ANKDD1A: variants seen among roughly 807,000 people sequenced by gnomAD.
ANKDD1A encodes ankyrin repeat and death domain-containing protein 1A.
A neutral mutation model predicts 63.5 loss-of-function variants in ANKDD1A; 59 were observed. The observed-to-expected ratio is 0.93, with a 90% CI of 0.75 to 1.15. The LOEUF is 1.15. Ranked by LOEUF, ANKDD1A falls within the 50% of genes most tolerant of loss-of-function variation. The probability of loss-of-function intolerance (pLI) is 0.00; values close to 1 mark genes in which losing one functional copy is unlikely to be tolerated. For synonymous variants in ANKDD1A, 266 were observed against 263.9 expected (o/e 1.01, Z -0.08); for missense variants, 632 against 656.4 (o/e 0.96, Z 0.41).
intron 9 of ANKDD1A, among the ~76,000 whole-genome samples, chr15:64,935,280 C>T (rs1405696326): frequency 6.6e-6 from 1 of 150,728 alleles, no homozygotes; most frequent in African/African-American, 2.4e-5. Flanking sequence ...CCTGTAATCC[C>T]AGCACTTTGG....
intron 13 of ANKDD1A, among the ~76,000 whole-genome samples, chr15:64,947,826 C>G (rs2085236306): frequency 1.3e-5 from 2 of 152,210 alleles, no homozygotes; most frequent in African/African-American, 4.8e-5. Flanking sequence ...TCAGCCCAAA[C>G]TGATACCCAC....
intron 14 of ANKDD1A, chr15:64,951,188 C>G: frequency 9.5e-7 from 1 of 1,048,334 alleles, no homozygotes; most frequent in Non-Finnish European, 1.2e-6. Flanking sequence ...GTACACTGAT[C>G]TTTTTCATGA....
At chr15:64,953,662 TTTC>T (rs1413451763) in intron 14 of ANKDD1A, among the ~76,000 whole-genome samples, 2 of 4,084 alleles carry the variant, frequency 4.9e-4, no homozygotes, top group African/African-American at 5.7e-4. Flanking sequence ...CCTTCTTTTC[TTTC>T]TTCTCCTTCT....
Position 64,943,592 on chromosome 15 carries a change from C to T in ANKDD1A, c.1065+10C>T, listed in dbSNP as rs774466302. On this transcript the variant is annotated intron_variant, in intron 11 of 14. Coordinates refer to ENST00000319580, the MANE Select transcript of ANKDD1A (RefSeq NM_182703.6). ...AAACCTGAGAGATAAGGTACCTCTG[C>T]TTACAACCCACCTCGCTTCAGGCTT... 1 of 1,613,356 alleles carries T rather than the reference C, an allele frequency of 6.2e-7. No individual in the cohort carries two copies. Among genetic ancestry groups the T allele is most frequent in the Non-Finnish European group, 8.5e-7 (1 of 1,179,264 alleles).
intron 3 of ANKDD1A, among the ~76,000 whole-genome samples, chr15:64,917,766 G>A (rs1439733390): frequency 6.6e-6 from 1 of 152,188 alleles, no homozygotes; most frequent in Non-Finnish European, 1.5e-5. Context: ...GATACCATGC[G>A]AACAGAGAGA....
chr15:64,952,853 TCTC>T (rs577420074), intron 14 of ANKDD1A, among the ~76,000 whole-genome samples: 2 of 19,472 alleles, frequency 1.0e-4, no homozygotes, highest in Non-Finnish European at 7.2e-4. Flanking sequence ...CCTTGTCTCT[TCTC>T]CTTCTTCTTT....
chr15:64,953,211 T>TTCTTTCTTGTTCC (rs1369174814), intron 14 of ANKDD1A, among the ~76,000 whole-genome samples: 1 of 34,710 alleles, frequency 2.9e-5, no homozygotes, highest in African/African-American at 7.0e-5. Flanking sequence ...TTTCTTCTCC[T>TTCTTTCTTGTTCC]TCTTTCTTGT....
chr15:64,953,457 CTCCTTCTT>C (rs1469955239), intron 14 of ANKDD1A, among the ~76,000 whole-genome samples: 9 of 17,758 alleles, frequency 5.1e-4, no homozygotes, highest in East Asian at 0.028. Flanking sequence ...TCTTTCTTCT[CTCCTTCTT>C]CTTCTTCCTC....
At chr15:64,937,288 C>T (rs1248165946) in intron 9 of ANKDD1A, among the ~76,000 whole-genome samples, 1 of 152,206 alleles carries the variant, frequency 6.6e-6, no homozygotes, top group African/African-American at 2.4e-5. Flanking sequence ...GACAGATATA[C>T]TTCCACATGT....
At chr15:64,951,475 TC>T (rs1189497713) in intron 14 of ANKDD1A, 60 of 110,626 alleles carry the variant, frequency 5.4e-4, no homozygotes, top group African/African-American at 1.5e-3. Context: ...TTTTTTCTTT[TC>T]TTCTTCCTCT....
At chr15:64,950,431 A>G in intron 14 of ANKDD1A, 1 of 985,452 alleles carries the variant, frequency 1.0e-6, no homozygotes, top group Non-Finnish European at 1.2e-6. Flanking sequence ...TGCCAATCTC[A>G]AAAGCCTGAT....
chr15:64,947,510 T>G lies in ANKDD1A; in HGVS notation c.1268T>G (p.Leu423Arg). The change falls in exon 13 of 15, where the codon CTG (leucine) becomes CGG (arginine). Residue 423 changes from leucine to arginine, a missense_variant. Physicochemically the swap from Leu to Arg is moderately radical, Grantham distance 102. Coordinates refer to ENST00000319580, the MANE Select transcript of ANKDD1A (RefSeq NM_182703.6). ...SVLWRLASRYLQPREWKKLAY... is the reference protein window; with the variant it reads ...SVLWRLASRYRQPREWKKLAY... ...CTGTGGCGGCTGGCCTCCAGGTATC[T>G]GCAGCCCCGTGAGTGGAAGAAGCTG... 2.5e-6 allele frequency: 4 copies of G among 1,614,032 alleles called. No homozygotes were observed. Among genetic ancestry groups the G allele is most frequent in the Middle Eastern group, 3.3e-4 (2 of 6,062 alleles).
At chr15:64,939,438 G>C (rs1056167882) in intron 9 of ANKDD1A, among the ~76,000 whole-genome samples, 3 of 152,128 alleles carry the variant, frequency 2.0e-5, no homozygotes, top group Non-Finnish European at 4.4e-5. Flanking sequence ...GCAACAAAGC[G>C]AGACTGTCTC....
chr15:64,943,224 A>G (rs1439460959), intron 10 of ANKDD1A: 3 of 392,142 alleles, frequency 7.7e-6, no homozygotes, highest in Non-Finnish European at 1.4e-5. Context: ...ACAGACAAAA[A>G]TAGGCTAGTA....
chr15:64,954,025 TTTTC>T (rs1313085872), intron 14 of ANKDD1A, among the ~76,000 whole-genome samples: 6 of 129,998 alleles, frequency 4.6e-5, no homozygotes, highest in Non-Finnish European at 6.4e-5. Context: ...TTTCCTCTTC[TTTTC>T]TTTCTTCTTC....
intron 6 of ANKDD1A, among the ~76,000 whole-genome samples, chr15:64,927,935 A>G (rs1445657606): frequency 1.3e-5 from 2 of 152,276 alleles, no homozygotes; most frequent in Non-Finnish European, 2.9e-5. Flanking sequence ...GATGCCTCCA[A>G]CAAAGAGATT....
intron 4 of ANKDD1A, 22 bp from the exon 5 acceptor site, chr15:64,926,044 A>G (rs1595848590): frequency 6.2e-7 from 1 of 1,600,230 alleles, no homozygotes; most frequent in African/African-American, 1.3e-5. Context: ...GACTGCAGGA[A>G]CCCTCCTGCA....
At chr15:64,940,433 T>TAGACAG (rs1310584123) in intron 9 of ANKDD1A, among the ~76,000 whole-genome samples, 2 of 73,340 alleles carry the variant, frequency 2.7e-5, no homozygotes, top group East Asian at 2.6e-4. Context: ...GATAGATAGA[T>TAGACAG]ATATAGATAT....
chr15:64,929,495 A>T (rs2085072116), intron 6 of ANKDD1A, among the ~76,000 whole-genome samples: 1 of 152,132 alleles, frequency 6.6e-6, no homozygotes, highest in African/African-American at 2.4e-5. Context: ...GGACAACCCC[A>T]CGCAGGCTGA....
Sources: allele counts gnomAD v4.1 joint callset (sites outside exome capture counted in the v4.1 genomes callset), GRCh38; gene constraint gnomAD v4.1.1; transcripts MANE v1.5; gene names NCBI Gene and HGNC (gene_info 2026-07-23, HGNC 2026-07-21).